ACAD10: variants seen among roughly 807,000 people sequenced by gnomAD.
The protein encoded by ACAD10 is acyl-CoA dehydrogenase family member 10.
In ACAD10, 112 loss-of-function variants were observed where a neutral mutation model predicts 116.8. That is an observed-to-expected ratio of 0.96 (90% CI 0.82 to 1.12). ACAD10 has a LOEUF of 1.12. ACAD10 is among the 50% of genes most tolerant of loss of function. The pLI is 0.00. For missense variants in ACAD10, 1,259 were observed against 1,350.2 expected, an observed-to-expected ratio of 0.93 and a Z score of 1.06; for synonymous variants, 486 against 510.6, an observed-to-expected ratio of 0.95 and a Z score of 0.65.
chr12:111,754,389 C>T (rs1325783715), intron 19 of ACAD10, among the ~76,000 whole-genome samples: 1 of 152,184 alleles, frequency 6.6e-6, no homozygotes, highest in East Asian at 1.9e-4. Flanking sequence ...TACATCATGG[C>T]TCACTGAAGC....
intron 12 of ACAD10, among the ~76,000 whole-genome samples, chr12:111,739,762 A>G (rs1399431687): frequency 6.6e-6 from 1 of 152,068 alleles, no homozygotes; most frequent in Non-Finnish European, 1.5e-5. Flanking sequence ...TCTCAGAAAA[A>G]AAAAAGGTGG....
At chr12:111,712,332 C>T (rs1404712145) in intron 5 of ACAD10, among the ~76,000 whole-genome samples, 166 bp from the exon 6 acceptor site, 1 of 152,140 alleles carries the variant, frequency 6.6e-6, no homozygotes, top group African/African-American at 2.4e-5. Context: ...CCCCTGAGGC[C>T]AGGATTGACT....
intron 4 of ACAD10, among the ~76,000 whole-genome samples, chr12:111,706,762 T>A (rs61642948): frequency 0.022 from 2,935 of 131,344 alleles, 62 homozygotes; most frequent in African/African-American, 0.047. Flanking sequence ...ATTTATTTTT[T>A]TATATATATA....
chr12:111,703,560 G>A (rs1045737613), intron 3 of ACAD10, among the ~76,000 whole-genome samples: 6 of 152,012 alleles, frequency 3.9e-5, no homozygotes, highest in South Asian at 2.1e-4. Context: ...AAAAATGGTC[G>A]AGTGCAGTGG....
chr12:111,747,618 G>A, intron 16 of ACAD10: 1 of 1,351,664 alleles, frequency 7.4e-7, no homozygotes. Flanking sequence ...CCCACACATG[G>A]ACGGATGCCT....
chr12:111,744,923 G>A lies in ACAD10; in HGVS notation c.1995G>A (p.Glu665=). ...AGAGCCTCTCTCCACCTGTCAGAGA[G>A]CTGTATCACCGGCTGAAGCACTTCA... is the stretch of plus-strand genomic sequence containing the variant. ...SPESLSPPVR[E]LYHRLKHFME... The change falls in exon 13 of 21, where the codon GAG becomes GAA. Residue 665 remains glutamate, a synonymous_variant. Coordinates refer to ENST00000313698, the MANE Select transcript of ACAD10 (RefSeq NM_025247.6). 1 of 1,614,162 alleles carries A rather than the reference G, an allele frequency of 6.2e-7. No individual in the cohort carries two copies. The highest frequency in any genetic ancestry group is 8.5e-7 in the Non-Finnish European group (1 of 1,180,028).
intron 19 of ACAD10, among the ~76,000 whole-genome samples, chr12:111,755,015 C>T (rs1381234399): frequency 6.6e-6 from 1 of 152,198 alleles, no homozygotes; most frequent in African/African-American, 2.4e-5. Flanking sequence ...CTTGGGGCCT[C>T]TGTTTTGGAC....
chr12:111,698,450 A>ATTCCTTCT (rs746334465), intron 2 of ACAD10, among the ~76,000 whole-genome samples: 68 of 142,920 alleles, frequency 4.8e-4, no homozygotes, highest in Non-Finnish European at 9.4e-4. Flanking sequence ...TTTTCCGTGA[A>ATTCCTTCT]TTGCTCACTT....
intron 8 of ACAD10, among the ~76,000 whole-genome samples, chr12:111,725,522 TC>T (rs1406346619): frequency 6.6e-6 from 1 of 151,474 alleles, no homozygotes; most frequent in African/African-American, 2.4e-5. Flanking sequence ...TTTTTTTTTT[TC>T]CTTTCTTTTC....
At chr12:111,718,035 CCTTTTTTTTTTTTT>C (rs1888894231) in intron 7 of ACAD10, among the ~76,000 whole-genome samples, 1 of 105,690 alleles carries the variant, frequency 9.5e-6, no homozygotes, top group Non-Finnish European at 1.7e-5. Context: ...ATAGTGATAT[CCTTTTTTTTTTTTT>C]TTTTTTTTTT....
At chr12:111,734,220 G>A in intron 11 of ACAD10, 152 bp downstream of exon 11, 1 of 1,125,536 alleles carries the variant, frequency 8.9e-7, no homozygotes, top group Non-Finnish European at 1.3e-6. Context: ...ATGCAGTCCT[G>A]TCACATTTAC....
chr12:111,719,089 C>T lies in ACAD10; in HGVS notation c.993-2582C>T, dbSNP rs570743113. ...TGAGCCAAGATTGTGCCATGGCACT[C>T]CAGCCTGGGCAACATAATGAGACTC... On this transcript the variant is annotated intron_variant, in intron 7 of 20. Transcript: ENST00000313698. Among the ~76,000 whole-genome samples the T allele has an allele frequency of 4.1e-4, 62 of 151,682 alleles. 2 individuals carry two copies. In the South Asian group the frequency reaches 0.012, roughly 30 times the overall value.
intron 18 of ACAD10, chr12:111,753,386 A>G (rs746500726): frequency 2.6e-4 from 111 of 419,600 alleles, no homozygotes; most frequent in Non-Finnish European, 4.7e-4. Context: ...CGCCGTGTGC[A>G]GTGCCTGCAG....
Position 111,717,494 on chromosome 12 carries a change from C to T in ACAD10, c.992+1532C>T, listed in dbSNP as rs1725889855. ...TGTTATTGCAGCTAATAAAAGTATG[C>T]CTATAATAACAAATGTGTATGATAA... On this transcript the variant is annotated intron_variant, in intron 7 of 20. Coordinates refer to ENST00000313698, the MANE Select transcript of ACAD10 (RefSeq NM_025247.6). 2.0e-5 allele frequency among the ~76,000 whole-genome samples: 3 copies of T among 151,778 alleles called. No homozygotes were observed. In the South Asian group the frequency reaches 6.2e-4, roughly 32 times the overall value.
At chr12:111,717,732 A>C (rs1888884629) in intron 7 of ACAD10, among the ~76,000 whole-genome samples, 1 of 151,946 alleles carries the variant, frequency 6.6e-6, no homozygotes, top group Admixed American at 6.6e-5. Context: ...TAGTTTTAAA[A>C]ATTTTTTTGT....
intron 2 of ACAD10, among the ~76,000 whole-genome samples, chr12:111,699,835 A>G (rs1369046698): frequency 7.2e-5 from 11 of 152,130 alleles, no homozygotes; most frequent in Admixed American, 7.2e-4. Flanking sequence ...CAGAAGGATC[A>G]CTTGATCCTG....
At chr12:111,710,264 T>A in intron 5 of ACAD10, 1 of 453,906 alleles carries the variant, frequency 2.2e-6, no homozygotes. Context: ...ATTTTTGTAT[T>A]TTTTGTAGAG....
intron 3 of ACAD10, among the ~76,000 whole-genome samples, chr12:111,705,131 C>T (rs1888460926): frequency 1.3e-5 from 2 of 152,008 alleles, no homozygotes; most frequent in South Asian, 4.2e-4. Flanking sequence ...ATTACATATA[C>T]TTCATATACT....
At position 111,721,759 on chromosome 12, in the gene ACAD10, G is replaced by A; in HGVS notation, c.1061+20G>A. On this transcript the variant is annotated intron_variant, in intron 8 of 20. Coordinates refer to ENST00000313698, the MANE Select transcript of ACAD10 (RefSeq NM_025247.6). Reference sequence around the variant, plus strand: ...TTCAAGGTAAAGTTCAGATGTTTTTGCTATTGCACTTTCAAGCTACAGGAG... The same window carrying A: ...TTCAAGGTAAAGTTCAGATGTTTTTACTATTGCACTTTCAAGCTACAGGAG... 2 of 1,574,610 alleles carry A rather than the reference G, an allele frequency of 1.3e-6. No individual in the cohort carries two copies. Among genetic ancestry groups the A allele is most frequent in the Non-Finnish European group, 1.7e-6 (2 of 1,152,108 alleles).
Sources: allele counts gnomAD v4.1 joint callset (sites outside exome capture counted in the v4.1 genomes callset), GRCh38; gene constraint gnomAD v4.1.1; transcripts MANE v1.5; gene names NCBI Gene and HGNC (gene_info 2026-07-23, HGNC 2026-07-21).